The following CNTNAP5 variants were observed in gnomAD, a reference collection of about 807,000 sequenced individuals.
CNTNAP5 encodes the protein contactin-associated protein-like 5.
Under a neutral mutation model 150.2 loss-of-function variants are expected in CNTNAP5, and 72 were observed. The observed-to-expected ratio is 0.48, with a 90% CI of 0.40 to 0.58. CNTNAP5 has a LOEUF of 0.58. CNTNAP5 is among the 20% of genes least tolerant of loss of function. The pLI, the probability that CNTNAP5 is intolerant of heterozygous loss-of-function variation, is 0.00. For synonymous variants in CNTNAP5, 672 were observed against 619.8 expected (o/e 1.08, Z -1.25); for missense variants, 1,636 against 1,626.2 (o/e 1.01, Z -0.10).
intron 3 of CNTNAP5, among the ~76,000 whole-genome samples, chr2:124,312,451 G>GC (rs1019738806): frequency 1.4e-5 from 2 of 141,618 alleles, no homozygotes; most frequent in African/African-American, 5.3e-5. Flanking sequence ...CTCCCCACCC[G>GC]CCCCCCGGCT....
chr2:124,109,823 A>G (rs1481972108), intron 1 of CNTNAP5, among the ~76,000 whole-genome samples: 2 of 152,192 alleles, frequency 1.3e-5, no homozygotes, highest in Non-Finnish European at 1.5e-5. Flanking sequence ...TGCATATGGA[A>G]TTTTGCACTA....
chr2:124,720,178 G>A (rs1037335585), intron 13 of CNTNAP5, among the ~76,000 whole-genome samples: 8 of 152,132 alleles, frequency 5.3e-5, no homozygotes, highest in African/African-American at 1.7e-4. Context: ...CCCACACTGT[G>A]AGACCATTCC....
At chr2:124,556,402 T>C (rs546256745) in intron 10 of CNTNAP5, among the ~76,000 whole-genome samples, 2 of 152,276 alleles carry the variant, frequency 1.3e-5, no homozygotes, top group South Asian at 4.2e-4. Flanking sequence ...AAATTTCCTC[T>C]TGGTGGAGAT....
rs960556044 is a variant in CNTNAP5 at position 124,240,174 on chromosome 2, G to T, written c.188-2026G>T. Reference sequence around the variant, plus strand: ...ATTTATTCAAGTAGACAAAATTGCAGTGTCAAATAGAGTCCAATGCACAAT... The same window carrying T: ...ATTTATTCAAGTAGACAAAATTGCATTGTCAAATAGAGTCCAATGCACAAT... On this transcript the variant is annotated intron_variant, in intron 2 of 23. Transcript: ENST00000682447. 1.3e-5 allele frequency among the ~76,000 whole-genome samples: 2 copies of T among 152,258 alleles called. 1 individual carries two copies.
intron 11 of CNTNAP5, among the ~76,000 whole-genome samples, chr2:124,601,206 T>C (rs925710887): frequency 3.3e-5 from 5 of 152,142 alleles, no homozygotes; most frequent in African/African-American, 9.7e-5. Flanking sequence ...TGGGGTAAGG[T>C]ATGAAAACAT....
At chr2:124,387,771 G>T (rs1407024946) in intron 3 of CNTNAP5, among the ~76,000 whole-genome samples, 1 of 151,110 alleles carries the variant, frequency 6.6e-6, no homozygotes, top group Non-Finnish European at 1.5e-5. Flanking sequence ...GGATGTATAC[G>T]TGCAAGTCAC....
chr2:124,139,552 G>A (rs1344823077), intron 1 of CNTNAP5, among the ~76,000 whole-genome samples: 1 of 152,072 alleles, frequency 6.6e-6, no homozygotes, highest in Non-Finnish European at 1.5e-5. Flanking sequence ...CGGGAAAGAG[G>A]ACTCTCAGAA....
At chr2:124,881,029 T>C (rs1677954221) in intron 21 of CNTNAP5, among the ~76,000 whole-genome samples, 1 of 152,090 alleles carries the variant, frequency 6.6e-6, no homozygotes, top group African/African-American at 2.4e-5. Context: ...TGAGAGGGTT[T>C]CATACATGCA....
At chr2:124,386,724 C>G (rs1349151520) in intron 3 of CNTNAP5, among the ~76,000 whole-genome samples, 2 of 146,960 alleles carry the variant, frequency 1.4e-5, no homozygotes, top group Non-Finnish European at 3.0e-5. Flanking sequence ...GTGATTATTT[C>G]AAATGTCTCC....
chr2:124,714,731 G>A (rs943903986), intron 13 of CNTNAP5, among the ~76,000 whole-genome samples: 1 of 151,128 alleles, frequency 6.6e-6, no homozygotes, highest in African/African-American at 2.4e-5. Flanking sequence ...TAATATTTAT[G>A]GATATATTTA....
In CNTNAP5 at chr2:124,860,437, TTCCTTCCTTCCTTCTTTCC is replaced by T. The variant is rs1558803772; in HGVS notation, c.3218-4867_3218-4849del. On this transcript the variant is annotated intron_variant, in intron 19 of 23. Transcript: ENST00000682447. The stretch of plus-strand genomic sequence containing the variant: ...CTCCCTTCCTTCCTTCCTTCCTTCC[TTCCTTCCTTCCTTCTTTCC>T]TTCCTTCCTTCCTTCCTTCCTTCCT... Among the ~76,000 whole-genome samples, 14 of 134,700 alleles carry T rather than the reference TTCCTTCCTTCCTTCTTTCC, an allele frequency of 1.0e-4. 1 individual carries two copies. In the East Asian group the frequency reaches 2.7e-3, roughly 26 times the overall value. The allele number at this position is 134,700 out of a possible 152,430, so 88.4% of individuals were successfully genotyped here.
At chr2:124,193,388 AT>A (rs1406804596) in intron 1 of CNTNAP5, among the ~76,000 whole-genome samples, 3 of 152,182 alleles carry the variant, frequency 2.0e-5, no homozygotes, top group African/African-American at 7.2e-5. Context: ...AAGAATTAGT[AT>A]TTTTCAGGGC....
chr2:124,705,728 C>T (rs147748937), intron 13 of CNTNAP5, among the ~76,000 whole-genome samples: 26 of 147,786 alleles, frequency 1.8e-4, no homozygotes, highest in African/African-American at 3.0e-4. Context: ...AAATGAGTAG[C>T]GTAAAAATCT....
chr2:124,485,631 A>AAAAAAAAAGAAGAAG (rs1457112306), intron 7 of CNTNAP5, among the ~76,000 whole-genome samples: 26 of 133,964 alleles, frequency 1.9e-4, no homozygotes, highest in South Asian at 5.5e-4. Context: ...AAAAAAAAAA[A>AAAAAAAAAGAAGAAG]AAAGAAGAAG....
At chr2:124,042,045 G>T (rs888932805) in intron 1 of CNTNAP5, among the ~76,000 whole-genome samples, 1 of 152,066 alleles carries the variant, frequency 6.6e-6, no homozygotes. Context: ...ATTTTCAGTA[G>T]AGAAGGGTTT....
At chr2:124,200,475 T>C (rs993331230) in intron 1 of CNTNAP5, among the ~76,000 whole-genome samples, 7 of 152,176 alleles carry the variant, frequency 4.6e-5, no homozygotes, top group African/African-American at 1.7e-4. Context: ...TTCCTCTTCA[T>C]CTTAAGTCAC....
chr2:124,667,741 C>G (rs1245426752), intron 13 of CNTNAP5, among the ~76,000 whole-genome samples: 1 of 152,232 alleles, frequency 6.6e-6, no homozygotes, highest in Non-Finnish European at 1.5e-5. Flanking sequence ...TCTATTCTCT[C>G]TCTCTTATTT....
intron 2 of CNTNAP5, among the ~76,000 whole-genome samples, chr2:124,227,784 G>A (rs556973873): frequency 3.3e-5 from 5 of 151,006 alleles, no homozygotes; most frequent in East Asian, 3.9e-4. Context: ...GGGGGGAGGC[G>A]GAAGAAAATA....
chr2:124,781,943 T>G (rs1020627799), intron 17 of CNTNAP5, among the ~76,000 whole-genome samples: 2 of 152,152 alleles, frequency 1.3e-5, no homozygotes, highest in African/African-American at 4.8e-5. Flanking sequence ...GCTGACAAGG[T>G]CTTACCCAAT....
Sources: allele counts gnomAD v4.1 joint callset (sites outside exome capture counted in the v4.1 genomes callset), GRCh38; gene constraint gnomAD v4.1.1; transcripts MANE v1.5; gene names NCBI Gene and HGNC (gene_info 2026-07-23, HGNC 2026-07-21).